SNCAIP: variants seen among roughly 807,000 people sequenced by gnomAD.
SNCAIP encodes the protein synphilin-1.
SNCAIP carries 43 observed loss-of-function variants against 86.7 expected under a neutral mutation model. That is an observed-to-expected ratio of 0.50 (90% confidence interval 0.39 to 0.64). The LOEUF is 0.64. Ranked by LOEUF, SNCAIP falls within the 30% of genes least tolerant of loss-of-function variation. The pLI, the probability that SNCAIP is intolerant of heterozygous loss-of-function variation, is 0.00. For synonymous variants in SNCAIP, 417 were observed against 427.2 expected (o/e 0.98, Z 0.29); for missense variants, 981 against 1,103.1 (o/e 0.89, Z 1.57).
At chr5:122,401,404 A>G (rs73287517) in intron 2 of SNCAIP, among the ~76,000 whole-genome samples, 1,650 of 152,262 alleles carry the variant, frequency 0.011, 33 homozygotes, top group African/African-American at 0.038. Context: ...CCAAGGAGCA[A>G]TGTTTATACT....
At chr5:122,404,026 A>G (rs1452384680) in intron 3 of SNCAIP, among the ~76,000 whole-genome samples, 161 bp downstream of exon 3, 1 of 152,032 alleles carries the variant, frequency 6.6e-6, no homozygotes, top group African/African-American at 2.4e-5. Flanking sequence ...GCCTTCAACA[A>G]ACAGATGTTA....
At chr5:122,415,157 G>A (rs1490476705) in intron 3 of SNCAIP, among the ~76,000 whole-genome samples, 1 of 152,148 alleles carries the variant, frequency 6.6e-6, no homozygotes, top group Non-Finnish European at 1.5e-5. Context: ...TTAATCCCAG[G>A]GCGAGCCACT....
chr5:122,332,807 T>G (rs1427448176), intron 1 of SNCAIP, among the ~76,000 whole-genome samples: 1 of 152,184 alleles, frequency 6.6e-6, no homozygotes, highest in Non-Finnish European at 1.5e-5. Context: ...AGGGCTTTGC[T>G]GTGAGGCCCA....
At chr5:122,359,121 T>A (rs1238948387) in intron 1 of SNCAIP, among the ~76,000 whole-genome samples, 1 of 152,082 alleles carries the variant, frequency 6.6e-6, no homozygotes, top group Admixed American at 6.6e-5. Context: ...TAAAGTAGAT[T>A]TGAAAATCAC....
At chr5:122,378,401 T>C (rs1372964271) in intron 1 of SNCAIP, among the ~76,000 whole-genome samples, 1 of 135,628 alleles carries the variant, frequency 7.4e-6, no homozygotes, top group Admixed American at 7.1e-5. Context: ...GTTTTTTTCT[T>C]GTAAATTTGT....
At chr5:122,373,915 G>A (rs1027021443) in intron 1 of SNCAIP, among the ~76,000 whole-genome samples, 2 of 152,172 alleles carry the variant, frequency 1.3e-5, no homozygotes, top group Non-Finnish European at 2.9e-5. Context: ...ACTTTGGGTG[G>A]CTGGTGTGGT....
At chr5:122,340,440 A>G (rs982888288) in intron 1 of SNCAIP, among the ~76,000 whole-genome samples, 3 of 152,190 alleles carry the variant, frequency 2.0e-5, no homozygotes, top group Admixed American at 6.5e-5. Flanking sequence ...GAATGGGAAT[A>G]AGTAGAAGAG....
intron 1 of SNCAIP, among the ~76,000 whole-genome samples, chr5:122,358,613 C>T (rs978561924): frequency 1.3e-5 from 2 of 152,066 alleles, no homozygotes; most frequent in African/African-American, 4.8e-5. Flanking sequence ...TTTGCTAACA[C>T]TCACTAAAGC....
chr5:122,366,816 C>A (rs573284114), intron 1 of SNCAIP, among the ~76,000 whole-genome samples: 1 of 151,904 alleles, frequency 6.6e-6, no homozygotes, highest in African/African-American at 2.4e-5. Context: ...AGGTTTTCAA[C>A]AGGGAAGTGG....
intron 1 of SNCAIP, among the ~76,000 whole-genome samples, chr5:122,348,956 T>C (rs926863579): frequency 1.3e-5 from 2 of 152,174 alleles, no homozygotes; most frequent in Admixed American, 1.3e-4. Context: ...GTTTAAACTT[T>C]GTTCCTTGTG....
chr5:122,390,614 G>A (rs894690010), intron 1 of SNCAIP, among the ~76,000 whole-genome samples: 1 of 152,176 alleles, frequency 6.6e-6, no homozygotes, highest in African/African-American at 2.4e-5. Flanking sequence ...AGTGGTATCT[G>A]TCTTGTGTTA....
chr5:122,348,640 TG>T (rs1367224371), intron 1 of SNCAIP, among the ~76,000 whole-genome samples: 1 of 152,082 alleles, frequency 6.6e-6, no homozygotes, highest in African/African-American at 2.4e-5. Context: ...GCCAAGAAAT[TG>T]ATGTTGAAAA....
chr5:122,440,943 A>G lies in SNCAIP; in HGVS notation c.1422+189A>G, dbSNP rs555860985. On this transcript the variant is annotated intron_variant, in intron 7 of 10. Transcript: ENST00000261368. ...AATGTAGGTAGGCATAAATATCCAT[A>G]AGAGTTTCTCTTTCAGTGTCCCAGG... 7.0e-4 allele frequency: 429 copies of G among 617,212 alleles called. 2 individuals carry two copies. In the African/African-American group the frequency reaches 7.2e-3, roughly 10 times the overall value. The allele number at this position is 617,212 out of a possible 1,614,324, so 38.2% of individuals were successfully genotyped here.
chr5:122,337,345 A>G (rs910323792), intron 1 of SNCAIP, among the ~76,000 whole-genome samples: 5 of 152,158 alleles, frequency 3.3e-5, no homozygotes, highest in African/African-American at 1.2e-4. Flanking sequence ...CAAATTTTGA[A>G]ATGATTTTAA....
intron 8 of SNCAIP, among the ~76,000 whole-genome samples, chr5:122,448,759 G>C (rs1416367542): frequency 7.0e-6 from 1 of 143,096 alleles, no homozygotes; most frequent in East Asian, 2.0e-4. Flanking sequence ...ACACATACAT[G>C]TGGGAAAGAC....
intron 3 of SNCAIP, among the ~76,000 whole-genome samples, chr5:122,418,306 T>C (rs1308484819): frequency 6.6e-6 from 1 of 152,200 alleles, no homozygotes; most frequent in Non-Finnish European, 1.5e-5. Flanking sequence ...ACCTAGTAAT[T>C]TAAGTATCAT....
intron 2 of SNCAIP, among the ~76,000 whole-genome samples, chr5:122,391,679 G>A (rs976679962): frequency 1.3e-5 from 2 of 152,190 alleles, no homozygotes; most frequent in African/African-American, 4.8e-5. Context: ...GGAATATTAA[G>A]GAAAATTCGT....
chr5:122,452,520 T>C (rs1783904066), intron 10 of SNCAIP, among the ~76,000 whole-genome samples: 1 of 152,214 alleles, frequency 6.6e-6, no homozygotes, highest in South Asian at 2.1e-4. Context: ...CAAATTCTTT[T>C]TGCAGTACCC....
chr5:122,349,535 A>G (rs1355734815), intron 1 of SNCAIP, among the ~76,000 whole-genome samples: 2 of 152,234 alleles, frequency 1.3e-5, no homozygotes, highest in African/African-American at 4.8e-5. Flanking sequence ...TTTTAAAATG[A>G]CAGAAAATTA....
Sources: gnomAD v4.1 joint callset for allele counts (sites outside exome capture counted in the v4.1 genomes callset) on GRCh38, gnomAD v4.1.1 for gene constraint, MANE v1.5 for transcripts, NCBI Gene and HGNC (gene_info 2026-07-23, HGNC 2026-07-21) for gene names.